The following CCDC144A variants were observed in gnomAD, a reference collection of about 807,000 sequenced individuals.
The protein encoded by CCDC144A is coiled-coil domain-containing protein 144A.
A neutral mutation model predicts 143.8 loss-of-function variants in CCDC144A; 41 were observed. The observed-to-expected ratio is 0.29, with a 90% CI of 0.22 to 0.37. CCDC144A has a LOEUF of 0.37. CCDC144A is among the 10% of genes least tolerant of loss of function. The pLI, the probability that CCDC144A is intolerant of heterozygous loss-of-function variation, is 1.00. For synonymous variants in CCDC144A, 242 were observed against 517.9 expected (o/e 0.47, Z 7.23); for missense variants, 637 against 1,488.8 (o/e 0.43, Z 9.41).
chr17:16,726,237 CG>C (rs1913412208), intron 8 of CCDC144A, among the ~76,000 whole-genome samples: 1 of 151,504 alleles, frequency 6.6e-6, no homozygotes, highest in Non-Finnish European at 1.5e-5. Context: ...AAAAATTAGC[CG>C]GGCGCGGTGG....
rs530251728 is a variant in CCDC144A at position 16,701,829 on chromosome 17, C to CTAA, written c.416-3321_416-3319dup. Among the ~76,000 whole-genome samples the CTAA allele has an allele frequency of 1.5e-3, 221 of 150,182 alleles. 2 individuals are homozygous for CTAA. The highest frequency in any genetic ancestry group is 5.1e-3 in the African/African-American group (211 of 41,396). ...TGGCATCATGCAGTATTCCACAGCACTAACTGGACCATTGTGCTCTAGGAG... is the reference window on the plus strand; with the variant it reads ...TGGCATCATGCAGTATTCCACAGCACTAATAACTGGACCATTGTGCTCTAGGAG... On this transcript the variant is annotated intron_variant, in intron 2 of 16. Coordinates refer to ENST00000399273, the MANE Select transcript of CCDC144A (RefSeq NM_001382000.1).
At chr17:16,683,919 A>G in the CCDC144A span, 81 of 1,305,172 alleles carry the variant, frequency 6.2e-5, 1 homozygote, top group Admixed American at 5.0e-5. Flanking sequence ...GGGCGTAGAA[A>G]GCCACGAGCA....
the CCDC144A span, chr17:16,684,286 A>G: frequency 1.3e-6 from 1 of 791,400 alleles, no homozygotes; most frequent in Admixed American, 1.7e-5. Context: ...AGCTAAGTTT[A>G]CTAGAGATTA....
At chr17:16,682,926 G>A in the CCDC144A span, among the ~76,000 whole-genome samples, 15,218 of 86,024 alleles carry the variant, frequency 0.18, 1,813 homozygotes, top group East Asian at 0.43. Context: ...TTTTGAGACA[G>A]AGTCTTGCTC....
chr17:16,692,296 T>C (rs2143028918), intron 1 of CCDC144A, among the ~76,000 whole-genome samples: 1 of 150,768 alleles, frequency 6.6e-6, no homozygotes, highest in African/African-American at 2.4e-5. Context: ...CTTGGCGTGA[T>C]TGATGAGCTC....
intron 14 of CCDC144A, among the ~76,000 whole-genome samples, chr17:16,763,040 G>T (rs1460588805): frequency 6.6e-6 from 1 of 151,062 alleles, no homozygotes; most frequent in Non-Finnish European, 1.5e-5. Context: ...GTGATCATTA[G>T]AGGGTGCCTT....
intron 12 of CCDC144A, among the ~76,000 whole-genome samples, chr17:16,743,031 C>T (rs1914331505): frequency 6.6e-6 from 1 of 152,112 alleles, no homozygotes; most frequent in Non-Finnish European, 1.5e-5. Context: ...TTGTTTCCTT[C>T]ACTTTGTTGA....
chr17:16,761,848 G>A, intron 13 of CCDC144A, 130 bp downstream of exon 13: 1 of 1,239,300 alleles, frequency 8.1e-7, no homozygotes, highest in South Asian at 1.6e-5. Context: ...AAGGAAGGTG[G>A]TATTTGTTTC....
chr17:16,685,700 C>A (rs1275163160), upstream of CCDC144A, among the ~76,000 whole-genome samples: 1 of 151,664 alleles, frequency 6.6e-6, no homozygotes, highest in Non-Finnish European at 1.5e-5. Flanking sequence ...AAAAGGGAAT[C>A]CTTGCCTTGT....
chr17:16,742,231 T>A (rs1263016513), intron 12 of CCDC144A, among the ~76,000 whole-genome samples: 2 of 152,184 alleles, frequency 1.3e-5, no homozygotes, highest in East Asian at 3.8e-4. Context: ...TTTCTCAGCC[T>A]CTAATACCCA....
chr17:16,678,064 A>G, the CCDC144A span, among the ~76,000 whole-genome samples: 2 of 152,088 alleles, frequency 1.3e-5, no homozygotes, highest in Non-Finnish European at 2.9e-5. Flanking sequence ...GGCTTGTATC[A>G]TAATGGCTAC....
At chr17:16,674,553 A>AAGGG in the CCDC144A span, among the ~76,000 whole-genome samples, 3 of 146,124 alleles carry the variant, frequency 2.1e-5, no homozygotes, top group Non-Finnish European at 4.5e-5. Context: ...AAGAGGAACG[A>AAGGG]AGGGAGGGAG....
intron 12 of CCDC144A, among the ~76,000 whole-genome samples, chr17:16,743,421 T>C (rs921368523): frequency 6.6e-6 from 1 of 152,236 alleles, no homozygotes; most frequent in African/African-American, 2.4e-5. Flanking sequence ...TATTTCTGTG[T>C]TCTCTATTCT....
intron 12 of CCDC144A, among the ~76,000 whole-genome samples, chr17:16,736,678 T>C (rs1279380725): frequency 6.6e-6 from 1 of 151,852 alleles, no homozygotes; most frequent in Admixed American, 6.6e-5. Context: ...GATTCACATA[T>C]AGCAGGAATG....
chr17:16,708,748 C>T (rs1912197183), intron 4 of CCDC144A, 48 bp from the exon 5 acceptor site: 1 of 1,610,584 alleles, frequency 6.2e-7, no homozygotes, highest in Admixed American at 1.7e-5. Flanking sequence ...AGAGAAGACA[C>T]CCAAGAAATA....
Position 16,750,817 on chromosome 17 carries a change from G to A in CCDC144A, c.3373-10608G>A, listed in dbSNP as rs898226378. On this transcript the variant is annotated intron_variant, in intron 12 of 16. Transcript: ENST00000399273. The stretch of plus-strand genomic sequence containing the variant: ...TTTGAGCTCTGTAATCCTTCCCTCC[G>A]CTTGGTCTCATCTGGTTTTGAAGGT... Among the ~76,000 whole-genome samples the A allele has an allele frequency of 3.3e-5, 5 of 151,876 alleles. No individual in the cohort carries two copies. The South Asian group carries it at 6.2e-4, about 19-fold the overall frequency.
chr17:16,746,271 CT>C (rs141884494), intron 12 of CCDC144A: 16,846 of 765,540 alleles, frequency 0.022, 21 homozygotes, highest in African/African-American at 0.052. Flanking sequence ...CTCTCTCTCT[CT>C]TTTTTTTTTT....
chr17:16,750,852 G>A (rs1350658278), intron 12 of CCDC144A, among the ~76,000 whole-genome samples: 2 of 152,110 alleles, frequency 1.3e-5, no homozygotes, highest in Non-Finnish European at 2.9e-5. Flanking sequence ...TCCCTCCTGT[G>A]TTGAATTTTG....
At chr17:16,708,731 G>A in intron 4 of CCDC144A, 65 bp from the exon 5 acceptor site, 1 of 1,606,306 alleles carries the variant, frequency 6.2e-7, no homozygotes, top group Non-Finnish European at 8.5e-7. Context: ...AAAACATGTA[G>A]CCCAACAGAG....
Sources: allele counts gnomAD v4.1 joint callset (sites outside exome capture counted in the v4.1 genomes callset), GRCh38; gene constraint gnomAD v4.1.1; transcripts MANE v1.5; gene names NCBI Gene and HGNC (gene_info 2026-07-23, HGNC 2026-07-21).